Variants in ENAM observed in about 807,000 individuals in gnomAD.
The protein encoded by ENAM is enamelin.
A neutral mutation model predicts 33.6 loss-of-function variants in ENAM; 21 were observed. The ratio of observed to expected loss-of-function variants is 0.63; its 90% CI spans 0.44 to 0.90. ENAM has a LOEUF of 0.90. Ranked by LOEUF, ENAM falls within the 40% of genes least tolerant of loss-of-function variation. The pLI is 0.00. For synonymous variants in ENAM, 473 were observed against 468.4 expected, an observed-to-expected ratio of 1.01 and a Z score of -0.13; for missense variants, 1,388 against 1,366.9, an observed-to-expected ratio of 1.02 and a Z score of -0.24.
In ENAM at chr4:70,643,215, A is replaced by G; in HGVS notation, c.1789A>G (p.Ser597Gly). ...CCATCCTTCCCATGGTTCTAGAGGAAGTGTTTTCTACCCTGAATATAACCC... is the reference window on the plus strand; with the variant it reads ...CCATCCTTCCCATGGTTCTAGAGGAGGTGTTTTCTACCCTGAATATAACCC... ...LPHPSHGSRG[S>G]VFYPEYNPYD... is the part of the protein sequence containing the mutation. Residue 597 changes from serine (S) to glycine (G), a missense_variant, in exon 9 of 9, where the codon AGT becomes GGT. By Grantham distance (56) the Ser-to-Gly change is moderately conservative (BLOSUM62 0). Transcript: ENST00000396073. The G allele has an allele frequency of 6.2e-7, 1 of 1,614,016 alleles. No individual in the cohort carries two copies. Among genetic ancestry groups the G allele is most frequent in the African/African-American group, 1.3e-5 (1 of 75,014 alleles).
intron 2 of ENAM, among the ~76,000 whole-genome samples, chr4:70,631,380 TTCTC>T (rs930134965): frequency 6.6e-6 from 1 of 151,488 alleles, no homozygotes; most frequent in Non-Finnish European, 1.5e-5. Context: ...ATCTCTCTCT[TTCTC>T]TCTCTCTCTG....
chr4:70,629,596 C>G, intron 2 of ENAM, 42 bp downstream of exon 2: 1 of 1,371,076 alleles, frequency 7.3e-7, no homozygotes, highest in Non-Finnish European at 1.0e-6. Flanking sequence ...TACAGGTTCT[C>G]AAACTAGATA....
Position 70,644,597 on chromosome 4 carries a change from C to T in ENAM, c.3171C>T (p.Cys1057=). The T allele has an allele frequency of 6.2e-7, 1 of 1,613,104 alleles. No homozygotes were observed. The highest frequency in any genetic ancestry group is 8.5e-7 in the Non-Finnish European group (1 of 1,179,256). ...CATCTAACATTCTGCATTTGCCATG[C>T]TTTGGCTCCAAATTAGCAAAGCATC... ...QRPSNILHLP[C]FGSKLAKHHS... The change falls in exon 9 of 9, where the codon TGC becomes TGT. Residue 1057 remains cysteine (C), a synonymous_variant. Coordinates refer to ENST00000396073, the MANE Select transcript of ENAM (RefSeq NM_031889.3).
chr4:70,643,510 A>G lies in ENAM; in HGVS notation c.2084A>G (p.Gln695Arg). 6.2e-7 allele frequency: 1 copy of G among 1,614,180 alleles called. No homozygotes were observed. The highest frequency in any genetic ancestry group is 8.5e-7 in the Non-Finnish European group (1 of 1,179,996). The stretch of plus-strand genomic sequence containing the variant: ...GAAGGTGAACAATATACCTCAAATC[A>G]GCCAAAGGAATATCTTCCCTATTCT... ...HYEGEQYTSN[Q>R]PKEYLPYSLD... The change falls in exon 9 of 9, where the codon CAG becomes CGG. Residue 695 changes from glutamine to arginine, a missense_variant. Physicochemically the swap from Gln to Arg is conservative, Grantham distance 43. Transcript: ENST00000396073.
chr4:70,641,292 G>A (rs1464048460), intron 8 of ENAM, among the ~76,000 whole-genome samples: 2 of 152,048 alleles, frequency 1.3e-5, no homozygotes, highest in Non-Finnish European at 2.9e-5. Context: ...TTATGCCTTT[G>A]GGAGTTGTTA....
In ENAM at chr4:70,643,701, C is replaced by A; in HGVS notation, c.2275C>A (p.Leu759Ile). Residue 759 changes from leucine to isoleucine, a missense_variant, in exon 9 of 9, where the codon CTA becomes ATA. By Grantham distance (5) the Leu-to-Ile change is conservative. Coordinates refer to ENST00000396073, the MANE Select transcript of ENAM (RefSeq NM_031889.3). ...TGCCGCTGGACCAGAAGAAAGCACT[C>A]TATTTCCTTCACGGAATTCCTGGGA... ...NNAAGPEESTLFPSRNSWDHR... is the reference protein window; with the variant it reads ...NNAAGPEESTIFPSRNSWDHR... 6.2e-7 allele frequency: 1 copy of A among 1,614,162 alleles called. No homozygotes were observed. The highest frequency in any genetic ancestry group is 8.5e-7 in the Non-Finnish European group (1 of 1,180,024).
chr4:70,632,613 T>C, intron 4 of ENAM, 38 bp from the exon 5 acceptor site: 4 of 1,455,552 alleles, frequency 2.7e-6, no homozygotes, highest in Non-Finnish European at 2.9e-6. Context: ...AATAAAAGTT[T>C]CACTTTGTAT....
At chr4:70,635,800 C>T in intron 6 of ENAM, 32 bp from the exon 7 acceptor site, 1 of 1,376,324 alleles carries the variant, frequency 7.3e-7, no homozygotes, top group Non-Finnish European at 1.0e-6. Flanking sequence ...CTTTTCAATA[C>T]CACATCACTC....
At chr4:70,635,594 T>C (rs1013757802) in intron 6 of ENAM, among the ~76,000 whole-genome samples, 5 of 152,166 alleles carry the variant, frequency 3.3e-5, no homozygotes, top group African/African-American at 1.2e-4. Context: ...ATATCTTCTA[T>C]GGTTATATGA....
At chr4:70,631,584 A>G in intron 2 of ENAM, 86 bp from the exon 3 acceptor site, 1 of 989,302 alleles carries the variant, frequency 1.0e-6, no homozygotes, top group Non-Finnish European at 1.6e-6. Flanking sequence ...CTTGACAGAC[A>G]AGTAGGCTAG....
At chr4:70,635,756 T>A in intron 6 of ENAM, 76 bp from the exon 7 acceptor site, 1 of 925,028 alleles carries the variant, frequency 1.1e-6, no homozygotes, top group Non-Finnish European at 1.8e-6. Flanking sequence ...GTTTCAATTG[T>A]ATTTAGTTAG....
chr4:70,637,670 A>G, intron 7 of ENAM, 120 bp from the exon 8 acceptor site: 1 of 797,666 alleles, frequency 1.3e-6, no homozygotes, highest in South Asian at 1.4e-5. Flanking sequence ...CTAAAAGCTC[A>G]GAGTACTAAC....
chr4:70,639,226 T>G (rs1738538222), intron 8 of ENAM, among the ~76,000 whole-genome samples: 1 of 152,164 alleles, frequency 6.6e-6, no homozygotes, highest in African/African-American at 2.4e-5. Flanking sequence ...AAGTGGCACT[T>G]CTAATTTTCA....
At position 70,645,210 on chromosome 4, in the gene ENAM, A is replaced by T; in HGVS notation, c.*355A>T. On this transcript the variant is annotated 3_prime_UTR_variant, in exon 9 of 9. Transcript: ENST00000396073. ...TGCAAAATTGGTTTTTCAAGACTGA[A>T]AGGCAGATTAACTTTCCATTCTACT... The T allele has an allele frequency of 6.8e-6, 3 of 440,370 alleles. No individual in the cohort carries two copies. The South Asian group carries it at 1.0e-4, about 15-fold the overall frequency. 27.3% of individuals were successfully genotyped at this position (440,370 alleles called of 1,614,324 possible).
In ENAM at chr4:70,643,136, A is replaced by T. The variant is rs1383246986; in HGVS notation, c.1710A>T (p.Gln570His). 6.2e-7 allele frequency: 1 copy of T among 1,614,114 alleles called. No homozygotes were observed. ...FPAGRNTWDH[Q>H]EISPPFKEDP... ...CTGGAAGAAATACTTGGGACCACCAAGAAATCTCTCCACCTTTTAAGGAAG... is the reference window on the plus strand; with the variant it reads ...CTGGAAGAAATACTTGGGACCACCATGAAATCTCTCCACCTTTTAAGGAAG... Residue 570 changes from glutamine to histidine, a missense_variant, in exon 9 of 9, where the codon CAA becomes CAT. Transcript: ENST00000396073.
At position 70,642,437 on chromosome 4, in the gene ENAM, T is replaced by G. The variant is rs368404606; in HGVS notation, c.1011T>G (p.Thr337=). 3 of 1,613,988 alleles carry G rather than the reference T, an allele frequency of 1.9e-6. No individual in the cohort carries two copies. The highest frequency in any genetic ancestry group is 2.5e-6 in the Non-Finnish European group (3 of 1,179,988). Residue 337 remains threonine (T), a synonymous_variant, in exon 9 of 9, where the codon ACT becomes ACG. Transcript: ENST00000396073. ...NFPSGRQWYF[T]GTVMGHRQNR... ...CTTCAGGAAGACAGTGGTATTTCAC[T>G]GGTACTGTCATGGGGCACAGACAGA...
Position 70,646,534 on chromosome 4 carries a change from C to T in ENAM, c.*1679C>T, listed in dbSNP as rs993953355. ...CAATTCATTTTTTAATGACTTTCAA[C>T]ACTCCCATGAAAACACCGTAGTCTG... On this transcript the variant is annotated 3_prime_UTR_variant, in exon 9 of 9. Coordinates refer to ENST00000396073, the MANE Select transcript of ENAM (RefSeq NM_031889.3). 2 of 152,174 alleles carry T rather than the reference C, an allele frequency of 1.3e-5. No individual in the cohort carries two copies. The highest frequency in any genetic ancestry group is 4.8e-5 in the African/African-American group (2 of 41,434). The allele number at this position is 152,174 out of a possible 1,614,324, so 9.4% of individuals were successfully genotyped here.
intron 8 of ENAM, 102 bp downstream of exon 8, chr4:70,637,945 C>T (rs539405547): frequency 3.3e-6 from 3 of 895,530 alleles, no homozygotes; most frequent in East Asian, 2.4e-5. Flanking sequence ...AACACATGAA[C>T]CTGTAGCTCA....
rs746937094 is a variant in ENAM at position 70,644,132 on chromosome 4, G to T, written c.2706G>T (p.Glu902Asp). ...YTPSYGLAPG[E>D]NQDTSPLYTD... is the part of the protein sequence containing the mutation. ...CATCCTATGGTCTTGCACCTGGGGA[G>T]AACCAAGACACCAGTCCTCTGTATA... The change falls in exon 9 of 9, where the codon GAG (glutamate) becomes GAT (aspartate). Residue 902 changes from glutamate to aspartate, a missense_variant. Coordinates refer to ENST00000396073, the MANE Select transcript of ENAM (RefSeq NM_031889.3). 1 of 1,614,066 alleles carries T rather than the reference G, an allele frequency of 6.2e-7. No individual in the cohort carries two copies. The highest frequency in any genetic ancestry group is 8.5e-7 in the Non-Finnish European group (1 of 1,180,016).
Sources: allele counts gnomAD v4.1 joint callset (sites outside exome capture counted in the v4.1 genomes callset), GRCh38; gene constraint gnomAD v4.1.1; transcripts MANE v1.5; gene names NCBI Gene and HGNC (gene_info 2026-07-23, HGNC 2026-07-21).